The following ATXN7 variants were observed in gnomAD, a reference collection of about 807,000 sequenced individuals.
The protein encoded by ATXN7 is ataxin-7.
In ATXN7, 12 loss-of-function variants were observed where a neutral mutation model predicts 70.5. The ratio of observed to expected loss-of-function variants is 0.17; its 90% CI spans 0.11 to 0.28. ATXN7 has a LOEUF of 0.28. Ranked by LOEUF, ATXN7 falls within the 10% of genes least tolerant of loss-of-function variation. The probability of loss-of-function intolerance (pLI) is 1.00; values close to 1 mark genes in which losing one functional copy is unlikely to be tolerated. For synonymous variants in ATXN7, 498 were observed against 448.7 expected, an observed-to-expected ratio of 1.11 and a Z score of -1.39; for missense variants, 1,256 against 1,131.7, an observed-to-expected ratio of 1.11 and a Z score of -1.58.
At chr3:63,947,588 T>TG (rs1200786830) in intron 4 of ATXN7, among the ~76,000 whole-genome samples, 1 of 151,472 alleles carries the variant, frequency 6.6e-6, no homozygotes, top group Admixed American at 6.6e-5. Flanking sequence ...ACCTTGTGTC[T>TG]GGAAAAAAAA....
At position 63,929,808 on chromosome 3, in the gene ATXN7, C is replaced by T. The variant is rs543285813; in HGVS notation, c.394+16583C>T. ...GTCATGTTACATTACTGTGGCCTTA[C>T]CTGTGTGTGTCAGGGCGGGCACAAG... is the stretch of plus-strand genomic sequence containing the variant. On this transcript the variant is annotated intron_variant, in intron 4 of 12. Transcript: ENST00000674280. Among the ~76,000 whole-genome samples, 5 of 152,278 alleles carry T rather than the reference C, an allele frequency of 3.3e-5. No homozygotes were observed. The South Asian group carries it at 1.0e-3, about 32-fold the overall frequency.
At position 63,996,090 on chromosome 3, in the gene ATXN7, C is replaced by T. The variant is rs2075754490; in HGVS notation, c.2268C>T (p.Ile756=). ...YPSTVTSSHS[I]GLNCVTNKAN... Reference sequence around the variant, plus strand: ...CAACGGTAACATCTTCCCATAGCATCGGCCTCAACTGTGTGACGAATAAAG... The same window carrying T: ...CAACGGTAACATCTTCCCATAGCATTGGCCTCAACTGTGTGACGAATAAAG... Residue 756 remains isoleucine (I), a synonymous_variant, in exon 12 of 13, where the codon ATC becomes ATT. Transcript: ENST00000674280. 3.7e-6 allele frequency: 6 copies of T among 1,614,224 alleles called. No individual in the cohort carries two copies. Among genetic ancestry groups the T allele is most frequent in the East Asian group, 2.2e-5 (1 of 44,884 alleles).
chr3:63,980,117 C>T lies in ATXN7; in HGVS notation c.702C>T (p.Asn234=), dbSNP rs2075460899. The change falls in exon 6 of 13, where the codon AAC becomes AAT. Residue 234 remains asparagine, a synonymous_variant. Transcript: ENST00000674280. ...SPKEKLQLRG[N]TRPMHPIQQS... is the part of the protein sequence containing the mutation. ...AAGAGAAACTGCAGCTCAGGGGGAA[C>T]ACCAGGCCAATGCATCCCATTCAGC... 1.2e-6 allele frequency: 2 copies of T among 1,614,190 alleles called. No homozygotes were observed. Among genetic ancestry groups the T allele is most frequent in the Non-Finnish European group, 1.7e-6 (2 of 1,180,038 alleles).
chr3:63,928,591 A>G (rs1265401694), intron 4 of ATXN7, among the ~76,000 whole-genome samples: 1 of 152,186 alleles, frequency 6.6e-6, no homozygotes, highest in African/African-American at 2.4e-5. Flanking sequence ...TCCTTACAGC[A>G]GTAGTCTGAA....
chr3:63,955,992 G>T (rs1172749576), intron 5 of ATXN7, among the ~76,000 whole-genome samples: 3 of 152,176 alleles, frequency 2.0e-5, no homozygotes, highest in Non-Finnish European at 4.4e-5. Flanking sequence ...AAGAAGCCCT[G>T]TACTTTTTTG....
intron 2 of ATXN7, among the ~76,000 whole-genome samples, chr3:63,903,231 A>G (rs1703711734): frequency 1.3e-5 from 2 of 151,976 alleles, no homozygotes; most frequent in Admixed American, 1.3e-4. Flanking sequence ...CGTCTCTATT[A>G]AAAATACAAA....
At chr3:63,977,855 G>A (rs1274652222) in intron 5 of ATXN7, among the ~76,000 whole-genome samples, 1 of 152,152 alleles carries the variant, frequency 6.6e-6, no homozygotes, top group Non-Finnish European at 1.5e-5. Flanking sequence ...TGATAGAATT[G>A]ATAAAGTAAA....
intron 1 of ATXN7, among the ~76,000 whole-genome samples, chr3:63,879,549 T>G (rs1702845818): frequency 6.6e-6 from 1 of 150,642 alleles, no homozygotes; most frequent in Non-Finnish European, 1.5e-5. Context: ...TGAAGTACAG[T>G]GGCGCGATCT....
At chr3:63,863,668 G>A (rs933272407), upstream of ATXN7, 6 of 1,230,394 alleles carry the variant, frequency 4.9e-6, no homozygotes, top group Non-Finnish European at 1.0e-6. Flanking sequence ...CGAAGAGGCC[G>A]GGGAGGCCGA....
chr3:63,958,915 A>G (rs2075078744), intron 5 of ATXN7, among the ~76,000 whole-genome samples: 1 of 152,218 alleles, frequency 6.6e-6, no homozygotes, highest in Admixed American at 6.5e-5. Context: ...ATAAGGATGT[A>G]TAGAGTAAAA....
At chr3:63,863,859 A>T, upstream of ATXN7, 2 of 1,205,112 alleles carry the variant, frequency 1.7e-6, no homozygotes, top group Non-Finnish European at 1.0e-6. Flanking sequence ...GGCGGAGGTC[A>T]AACTCCCACA....
At chr3:63,955,502 C>T (rs2075025015) in intron 5 of ATXN7, among the ~76,000 whole-genome samples, 1 of 152,098 alleles carries the variant, frequency 6.6e-6, no homozygotes, top group Admixed American at 6.6e-5. Context: ...GAGAGGTGGG[C>T]AGGGTTCCCA....
At chr3:63,970,584 A>C (rs917186235) in intron 5 of ATXN7, among the ~76,000 whole-genome samples, 1 of 152,188 alleles carries the variant, frequency 6.6e-6, no homozygotes, top group Non-Finnish European at 1.5e-5. Flanking sequence ...TATCCCCCAG[A>C]TATTCAATAA....
chr3:63,941,262 G>A (rs1274924748), intron 4 of ATXN7, among the ~76,000 whole-genome samples: 2 of 152,094 alleles, frequency 1.3e-5, no homozygotes, highest in Admixed American at 1.3e-4. Context: ...TCTGGGCAGT[G>A]GACCAGCACC....
chr3:63,981,903 G>A (rs2075493255), intron 6 of ATXN7, among the ~76,000 whole-genome samples: 1 of 152,170 alleles, frequency 6.6e-6, no homozygotes, highest in Non-Finnish European at 1.5e-5. Context: ...ATTGCATTGG[G>A]TATCAGGTCT....
chr3:63,945,574 G>T (rs183417566), intron 4 of ATXN7, among the ~76,000 whole-genome samples: 13 of 152,144 alleles, frequency 8.5e-5, no homozygotes, highest in African/African-American at 3.1e-4. Context: ...GGCATCACAA[G>T]GACTTAATCT....
intron 5 of ATXN7, among the ~76,000 whole-genome samples, chr3:63,967,005 G>A (rs547805235): frequency 1.1e-4 from 17 of 152,198 alleles, no homozygotes; most frequent in East Asian, 3.9e-4. Flanking sequence ...GCTGGAGTGC[G>A]GTGGCACAGT....
At chr3:63,881,737 C>G (rs1702917872) in intron 1 of ATXN7, among the ~76,000 whole-genome samples, 1 of 152,196 alleles carries the variant, frequency 6.6e-6, no homozygotes, top group African/African-American at 2.4e-5. Context: ...ATTTGCCCGC[C>G]TTGGCGTCCC....
chr3:63,922,302 G>A (rs1704543224), intron 4 of ATXN7, among the ~76,000 whole-genome samples: 2 of 152,060 alleles, frequency 1.3e-5, no homozygotes, highest in East Asian at 1.9e-4. Context: ...TCAGCCTCCC[G>A]GAGTGTTGGA....
Sources: gnomAD v4.1 joint callset for allele counts (sites outside exome capture counted in the v4.1 genomes callset) on GRCh38, gnomAD v4.1.1 for gene constraint, MANE v1.5 for transcripts, NCBI Gene and HGNC (gene_info 2026-07-23, HGNC 2026-07-21) for gene names.